Variants in FBXO16 observed in about 807,000 individuals in gnomAD.
The protein encoded by FBXO16 is F-box only protein 16.
Under a neutral mutation model 41.0 loss-of-function variants are expected in FBXO16, and 31 were observed. The ratio of observed to expected loss-of-function variants is 0.76; its 90% confidence interval spans 0.57 to 1.02. The LOEUF (loss-of-function observed/expected upper bound fraction) is 1.02, where lower values mean the gene tolerates loss of function less well. Among genes scored for constraint, FBXO16 ranks in the 50% least tolerant of loss-of-function variants. The probability of loss-of-function intolerance (pLI) is 0.00; values close to 1 mark genes in which losing one functional copy is unlikely to be tolerated. For missense variants in FBXO16, 361 were observed against 346.2 expected (o/e 1.04, Z -0.34); for synonymous variants, 133 against 117.8 (o/e 1.13, Z -0.84).
rs541195992 is a variant in FBXO16 at position 28,447,226 on chromosome 8, T to C, written c.788A>G (p.His263Arg). The C allele has an allele frequency of 2.5e-6, 4 of 1,613,896 alleles. No individual in the cohort carries two copies. The South Asian group carries it at 3.3e-5, about 13-fold the overall frequency. The change falls in exon 7 of 9, where the codon CAT (histidine) becomes CGT (arginine). Residue 263 changes from histidine (H) to arginine (R), a missense_variant. By Grantham distance (29) the His-to-Arg change is conservative. Coordinates refer to ENST00000380254, the MANE Select transcript of FBXO16 (RefSeq NM_172366.4). ...GTCCTGCAATTTATTTTTCTTATCA[T>C]GTGACTGTCGGCTGAAGTCTGGGGT... Reference protein sequence around the residue: ...QMTPDFSRQSHDKKNKLQDRT... With the variant: ...QMTPDFSRQSRDKKNKLQDRT...
At chr8:28,432,221 C>A (rs1802617683) in intron 7 of FBXO16, among the ~76,000 whole-genome samples, 1 of 151,796 alleles carries the variant, frequency 6.6e-6, no homozygotes, top group South Asian at 2.1e-4. Flanking sequence ...CGCCTGTAAT[C>A]CCAGCACTTT....
intron 2 of FBXO16, among the ~76,000 whole-genome samples, chr8:28,482,590 A>G (rs1266742185): frequency 6.6e-6 from 1 of 152,008 alleles, no homozygotes; most frequent in Non-Finnish European, 1.5e-5. Context: ...GTTGTTGTTG[A>G]GACAGAGTTT....
At chr8:28,445,539 G>C (rs1265021717) in intron 7 of FBXO16, among the ~76,000 whole-genome samples, 1 of 152,198 alleles carries the variant, frequency 6.6e-6, no homozygotes, top group Non-Finnish European at 1.5e-5. Flanking sequence ...AAACCAGGCA[G>C]AAGCACGACA....
At chr8:28,451,403 T>C (rs1474850783) in intron 6 of FBXO16, among the ~76,000 whole-genome samples, 1 of 151,476 alleles carries the variant, frequency 6.6e-6, no homozygotes, top group Non-Finnish European at 1.5e-5. Context: ...TTGTTTTTTG[T>C]TTTTTGAGAT....
At chr8:28,456,156 C>A in intron 5 of FBXO16, among the ~76,000 whole-genome samples, 1 of 151,610 alleles carries the variant, frequency 6.6e-6, no homozygotes, top group East Asian at 1.9e-4. Context: ...TGGGACTATA[C>A]GAATGAATAT....
At chr8:28,466,201 C>A (rs1383820349) in intron 3 of FBXO16, among the ~76,000 whole-genome samples, 4 of 151,904 alleles carry the variant, frequency 2.6e-5, no homozygotes, top group African/African-American at 4.8e-5. Flanking sequence ...GCACTCCAGC[C>A]TGGGCAACAA....
chr8:28,436,717 T>C (rs543119064), intron 7 of FBXO16, among the ~76,000 whole-genome samples: 3 of 152,104 alleles, frequency 2.0e-5, no homozygotes, highest in Non-Finnish European at 2.9e-5. Flanking sequence ...GAAACACACA[T>C]ACACACACAC....
intron 7 of FBXO16, among the ~76,000 whole-genome samples, chr8:28,441,465 G>A (rs1802772968): frequency 1.3e-5 from 2 of 152,206 alleles, no homozygotes; most frequent in African/African-American, 4.8e-5. Flanking sequence ...GCTGGGCGCA[G>A]GGGCTCACGC....
At chr8:28,440,721 C>T (rs993457533) in intron 7 of FBXO16, among the ~76,000 whole-genome samples, 2 of 152,132 alleles carry the variant, frequency 1.3e-5, no homozygotes, top group Admixed American at 6.6e-5. Flanking sequence ...AAGGGCTAAT[C>T]TAAGGCAATC....
chr8:28,457,470 C>T (rs1263600262), intron 4 of FBXO16, among the ~76,000 whole-genome samples: 2 of 152,118 alleles, frequency 1.3e-5, no homozygotes, highest in African/African-American at 4.8e-5. Context: ...CTCACAGTTC[C>T]ATGTGGCTGG....
At chr8:28,460,245 A>ATATATATATATATATATT (rs1477457728) in intron 4 of FBXO16, among the ~76,000 whole-genome samples, 2 of 85,444 alleles carry the variant, frequency 2.3e-5, no homozygotes, top group African/African-American at 6.3e-5. Flanking sequence ...ATATATATAT[A>ATATATATATATATATATT]TTTTTTTTTT....
intron 4 of FBXO16, among the ~76,000 whole-genome samples, chr8:28,461,668 C>T (rs56027353): frequency 0.4 from 60,251 of 151,524 alleles, 13,376 homozygotes; most frequent in African/African-American, 0.58. Flanking sequence ...TTATTTATGG[C>T]GTTCTGTTCC....
intron 4 of FBXO16, among the ~76,000 whole-genome samples, chr8:28,460,325 T>G (rs1803111345): frequency 7.9e-6 from 1 of 126,978 alleles, no homozygotes; most frequent in African/African-American, 3.2e-5. Context: ...CATAGCTTAC[T>G]GTAGCCTTCA....
At chr8:28,461,316 C>T (rs1184121847) in intron 4 of FBXO16, among the ~76,000 whole-genome samples, 4 of 152,046 alleles carry the variant, frequency 2.6e-5, no homozygotes, top group South Asian at 2.1e-4. Flanking sequence ...TTAACACTGC[C>T]CAATGGTTCT....
At chr8:28,452,923 GA>G (rs72090316) in intron 5 of FBXO16, among the ~76,000 whole-genome samples, 49,301 of 142,988 alleles carry the variant, frequency 0.34, 8,220 homozygotes, top group East Asian at 0.55. Flanking sequence ...TAAAAAAAAA[GA>G]AAAAAAGGAA....
chr8:28,440,561 T>TC (rs1003170310), intron 7 of FBXO16, among the ~76,000 whole-genome samples: 14 of 151,850 alleles, frequency 9.2e-5, no homozygotes, highest in East Asian at 1.9e-4. Flanking sequence ...TGTGTGTGGT[T>TC]CCCCCCCACC....
chr8:28,448,907 C>T (rs1350586189), intron 6 of FBXO16: 2 of 152,156 alleles, frequency 1.3e-5, no homozygotes, highest in African/African-American at 4.8e-5. Context: ...TGACAGAGAC[C>T]ATATGCCCTG....
intron 7 of FBXO16, among the ~76,000 whole-genome samples, chr8:28,439,364 T>C (rs1802730260): frequency 6.6e-6 from 1 of 152,168 alleles, no homozygotes; most frequent in Non-Finnish European, 1.5e-5. Flanking sequence ...AGGAATTTCA[T>C]TGCTTGAATT....
rs201754476 is a variant in FBXO16, at chr8:28,465,803, G to GTTTTGTTTTTGT, written c.136-1997_136-1986dup. 5.0e-3 allele frequency among the ~76,000 whole-genome samples: 761 copies of GTTTTGTTTTTGT among 151,662 alleles called. 10 individuals are homozygous for GTTTTGTTTTTGT. The highest frequency in any genetic ancestry group is 0.017 in the African/African-American group (718 of 41,160). ...CCTGTTTTGGGTTTTTGTTGTTGTTGTTTTGTTTTTGTTTTTGTTTTTGGT... is the reference window on the plus strand; with the variant it reads ...CCTGTTTTGGGTTTTTGTTGTTGTTGTTTTGTTTTTGTTTTTGTTTTTGTTTTTGTTTTTGGT... On this transcript the variant is annotated intron_variant, in intron 3 of 8. Transcript: ENST00000380254.
Sources: gnomAD v4.1 joint callset for allele counts (sites outside exome capture counted in the v4.1 genomes callset) on GRCh38, gnomAD v4.1.1 for gene constraint, MANE v1.5 for transcripts, NCBI Gene and HGNC (gene_info 2026-07-23, HGNC 2026-07-21) for gene names.